Variants in SALL1 observed in about 807,000 individuals in gnomAD.
SALL1 encodes spalt like transcription factor 1.
A neutral mutation model predicts 73.1 loss-of-function variants in SALL1; 10 were observed. The ratio of observed to expected loss-of-function variants is 0.14; its 90% CI spans 0.08 to 0.23. The LOEUF (loss-of-function observed/expected upper bound fraction) is 0.23. SALL1 is among the 10% of genes least tolerant of loss of function. SALL1 has a pLI of 1.00. For synonymous variants in SALL1, 688 were observed against 689.8 expected (o/e 1.00, Z 0.04); for missense variants, 1,520 against 1,697.3 (o/e 0.90, Z 1.84).
In SALL1 at chr16:51,139,397, G is replaced by A. The variant is rs751069468; in HGVS notation, c.2825C>T (p.Pro942Leu). ...TCTCTGTGGTTTCTCCTCAATGCTGGGTGACTTGTGGAACTCCTGCGTGCT... is the reference window on the plus strand; with the variant it reads ...TCTCTGTGGTTTCTCCTCAATGCTGAGTGACTTGTGGAACTCCTGCGTGCT... ...SNSTQEFHKS[P>L]SIEEKPQRAV... Residue 942 changes from proline to leucine, a missense_variant, in exon 2 of 3, where the codon CCC becomes CTC. By Grantham distance (98) the Pro-to-Leu change is moderately conservative (BLOSUM62 -3). Around this residue, in one of 7 missense-constraint regions of SALL1, gnomAD observed 266 missense variants for 275.1 expected, o/e 0.97. Transcript: ENST00000251020. The A allele has an allele frequency of 1.2e-6, 2 of 1,614,130 alleles. No homozygotes were observed. The highest frequency in any genetic ancestry group is 2.2e-5 in the East Asian group (1 of 44,876).
chr16:51,148,081 A>C (rs1310575260), intron 1 of SALL1, among the ~76,000 whole-genome samples: 2 of 152,258 alleles, frequency 1.3e-5, no homozygotes, highest in African/African-American at 2.4e-5. Flanking sequence ...GCAGCTGTAC[A>C]CTAAAGTAAA....
At position 51,137,394 on chromosome 16, in the gene SALL1, G is replaced by T; in HGVS notation, c.3693C>A (p.Ser1231=). 1 of 1,614,162 alleles carries T rather than the reference G, an allele frequency of 6.2e-7. No individual in the cohort carries two copies. The highest frequency in any genetic ancestry group is 8.5e-7 in the Non-Finnish European group (1 of 1,180,032). Residue 1231 remains serine, a synonymous_variant, in exon 3 of 3, where the codon TCC becomes TCA. Transcript: ENST00000251020. The part of the protein sequence containing the change: ...LAARSGSGDP[S]SFWNQYAAAL... Reference sequence around the variant, plus strand: ...CTGCTGCATACTGATTCCAGAAGCTGGAAGGATCCCCACTTCCTGATCTTG... The same window carrying T: ...CTGCTGCATACTGATTCCAGAAGCTTGAAGGATCCCCACTTCCTGATCTTG...
chr16:51,137,594 GAGA>G, intron 2 of SALL1, 42 bp from the exon 3 acceptor site: 3 of 1,471,722 alleles, frequency 2.0e-6, no homozygotes, highest in Admixed American at 1.8e-5. Flanking sequence ...GAGAGAGAGA[GAGA>G]AAAAAAAGAG....
At chr16:51,151,348 C>CG, upstream of SALL1, 3 of 602,074 alleles carry the variant, frequency 5.0e-6, no homozygotes, top group Admixed American at 4.4e-5. Flanking sequence ...CCCCGCCCGC[C>CG]GGCCCGCCCG....
chr16:51,140,300 A>T lies in SALL1; in HGVS notation c.1922T>A (p.Val641Asp), dbSNP rs768032604. Residue 641 changes from valine (V) to aspartate (D), a missense_variant, in exon 2 of 3, where the codon GTC (valine) becomes GAC (aspartate). Val to Asp is a radical substitution (Grantham distance 152). This residue lies in a region of SALL1 where 276 missense variants were observed against 259.1 expected (regional missense o/e 1.07). Transcript: ENST00000251020. This position sits in a 1 kb window ranked among gnomAD's most constrained non-coding sequence, Gnocchi z 5.7. Reference sequence around the variant, plus strand: ...GCAGTCTGCCGCTGGGGAGCTCAGGACGCTACTGCTCGCCGTCGGGACTGA... The same window carrying T: ...GCAGTCTGCCGCTGGGGAGCTCAGGTCGCTACTGCTCGCCGTCGGGACTGA... ...TNSVPTASSS[V>D]LSSPAADCGP... 13 of 1,613,990 alleles carry T rather than the reference A, an allele frequency of 8.1e-6. No homozygotes were observed. Among genetic ancestry groups the T allele is most frequent in the Middle Eastern group, 1.6e-4 (1 of 6,084 alleles).
intron 1 of SALL1, chr16:51,149,433 A>C (rs1379152612): frequency 6.6e-6 from 1 of 152,198 alleles, no homozygotes. Context: ...GAAGCAGAAG[A>C]AACTAAGCTG....
chr16:51,143,486 T>C (rs963068712), intron 1 of SALL1: 1 of 183,054 alleles, frequency 5.5e-6, no homozygotes, highest in Non-Finnish European at 1.2e-5. Flanking sequence ...AATCAGATAA[T>C]AGGTAGTTTC....
In SALL1 at chr16:51,141,694, T is replaced by C. The variant is rs1319947834; in HGVS notation, c.528A>G (p.Leu176=). The C allele has an allele frequency of 3.7e-6, 6 of 1,613,238 alleles. No individual in the cohort carries two copies. Among genetic ancestry groups the C allele is most frequent in the East Asian group, 2.2e-5 (1 of 44,858 alleles). The change falls in exon 2 of 3, where the codon CTA becomes CTG. Residue 176 remains leucine (L), a synonymous_variant. Transcript: ENST00000251020. This position sits in a 1 kb window ranked among gnomAD's most constrained non-coding sequence, Gnocchi z 5.4. ...STGTSAITTS[L]PQLGDLTTLG... ...GTGTTGTCAGGTCCCCGAGTTGAGGTAGAGAGGTTGTGATCGCTGAGGTAC... is the reference window on the plus strand; with the variant it reads ...GTGTTGTCAGGTCCCCGAGTTGAGGCAGAGAGGTTGTGATCGCTGAGGTAC...
rs548156854 is a variant in SALL1, at chr16:51,151,031, C to T, written c.76+135G>A. On this transcript the variant is annotated intron_variant, in intron 1 of 2. Transcript: ENST00000251020. Reference sequence around the variant, plus strand: ...ATTAAAAAGAAAAAAAAAATTACGCCGAGTGGAAGAAGCAATCGGGGCCGC... The same window carrying T: ...ATTAAAAAGAAAAAAAAAATTACGCTGAGTGGAAGAAGCAATCGGGGCCGC... 1.0e-5 allele frequency: 5 copies of T among 485,678 alleles called. No individual in the cohort carries two copies. The South Asian group carries it at 1.3e-4, about 13-fold the overall frequency. 30.1% of individuals were successfully genotyped at this position (485,678 alleles called of 1,614,324 possible).
chr16:51,138,602 A>G (rs1962352587), intron 2 of SALL1, 86 bp downstream of exon 2: 2 of 1,494,138 alleles, frequency 1.3e-6, no homozygotes, highest in Non-Finnish European at 1.8e-6. Context: ...ATCTGGGCTG[A>G]TGACTCTGGG....
upstream of SALL1, chr16:51,151,990 A>G (rs1432458393): frequency 6.7e-6 from 1 of 148,582 alleles, no homozygotes; most frequent in African/African-American, 2.5e-5. Flanking sequence ...AGCTACCAGA[A>G]AGCAGCCCAC....
At chr16:51,151,114 C>G in intron 1 of SALL1, 52 bp downstream of exon 1, 6 of 1,384,648 alleles carry the variant, frequency 4.3e-6, no homozygotes, top group Non-Finnish European at 5.9e-6. Context: ...TCCGAGTGTG[C>G]GTGAGTGTGA....
At chr16:51,146,332 T>C (rs999578127) in intron 1 of SALL1, among the ~76,000 whole-genome samples, 1 of 152,066 alleles carries the variant, frequency 6.6e-6, no homozygotes, top group South Asian at 2.1e-4. Flanking sequence ...AAGGGGAAAA[T>C]GTCTTTCCCA....
At position 51,136,076 on chromosome 16, in the gene SALL1, G is replaced by C. The variant is rs1365466297; in HGVS notation, c.*1036C>G. On this transcript the variant is annotated 3_prime_UTR_variant, in exon 3 of 3. Coordinates refer to ENST00000251020, the MANE Select transcript of SALL1 (RefSeq NM_002968.3). Reference sequence around the variant, plus strand: ...GTAAGTATTAAATGTTAAAGAAATTGGACCCCCCCTTTCCTTTCAACTTTC... The same window carrying C: ...GTAAGTATTAAATGTTAAAGAAATTCGACCCCCCCTTTCCTTTCAACTTTC... 1.3e-5 allele frequency: 2 copies of C among 152,520 alleles called. No homozygotes were observed. Among genetic ancestry groups the C allele is most frequent in the African/African-American group, 4.8e-5 (2 of 41,428 alleles). 9.4% of individuals were successfully genotyped at this position (152,520 alleles called of 1,614,324 possible). A position where few individuals can be genotyped will look rare whatever the true frequency, so the allele number is the denominator to read the frequency against.
chr16:51,138,225 T>C (rs1962347092), intron 2 of SALL1, among the ~76,000 whole-genome samples: 1 of 152,214 alleles, frequency 6.6e-6, no homozygotes, highest in African/African-American at 2.4e-5. Context: ...AGTGACGTTA[T>C]TGTTTTTAGA....
In SALL1 at chr16:51,141,947, T is replaced by A. The variant is rs774729036; in HGVS notation, c.275A>T (p.Asp92Val). Residue 92 changes from aspartate to valine, a missense_variant, in exon 2 of 3, where the codon GAT (aspartate) becomes GTT (valine). Physicochemically the swap from Asp to Val is radical, Grantham distance 152 (BLOSUM62 -3). Transcript: ENST00000251020. The surrounding 1 kb of genome is among the most constrained non-coding windows in gnomAD (Gnocchi z 5.4). Reference sequence around the variant, plus strand: ...GTCATTCATTTGTTCATCAGGATTATCAGGAGGGGGGCTGGGGGAGAAGGT... The same window carrying A: ...GTCATTCATTTGTTCATCAGGATTAACAGGAGGGGGGCTGGGGGAGAAGGT... The part of the protein sequence containing the change: ...PETFSPSPPP[D>V]NPDEQMNDTV... The A allele has an allele frequency of 6.2e-7, 1 of 1,609,342 alleles. No individual in the cohort carries two copies. Among genetic ancestry groups the A allele is most frequent in the Non-Finnish European group, 8.5e-7 (1 of 1,175,992 alleles).
In SALL1 at chr16:51,139,829, A is replaced by G. The variant is rs762701025; in HGVS notation, c.2393T>C (p.Val798Ala). ...HMGGQIPNTP[V>A]PDSYSESMES... Reference sequence around the variant, plus strand: ...CATGGACTCAGAGTAGCTGTCGGGGACTGGGGTGTTGGGGATCTGGCCTCC... The same window carrying G: ...CATGGACTCAGAGTAGCTGTCGGGGGCTGGGGTGTTGGGGATCTGGCCTCC... Residue 798 changes from valine to alanine, a missense_variant, in exon 2 of 3, where the codon GTC becomes GCC. By Grantham distance (64) the Val-to-Ala change is moderately conservative (BLOSUM62 0). Transcript: ENST00000251020. 3 of 1,614,088 alleles carry G rather than the reference A, an allele frequency of 1.9e-6. No homozygotes were observed. The Admixed American group carries it at 5.0e-5, about 27-fold the overall frequency.
intron 1 of SALL1, among the ~76,000 whole-genome samples, chr16:51,147,875 A>G (rs1254457519): frequency 1.3e-5 from 2 of 152,200 alleles, no homozygotes; most frequent in Non-Finnish European, 2.9e-5. Context: ...AAGAGCCCAC[A>G]TATAAAATCA....
chr16:51,150,382 A>G, intron 1 of SALL1: 1 of 985,300 alleles, frequency 1.0e-6, no homozygotes, highest in Non-Finnish European at 1.2e-6. Context: ...CATACCGACC[A>G]GAAAGATTTT....
Sources: gnomAD v4.1 joint callset for allele counts (sites outside exome capture counted in the v4.1 genomes callset) on GRCh38, gnomAD v4.1.1 for gene constraint, gnomAD v4.1.1 regional missense constraint, Gnocchi (gnomAD v3.1) non-coding constraint, MANE v1.5 for transcripts, NCBI Gene and HGNC (gene_info 2026-07-23, HGNC 2026-07-21) for gene names.